Variants in CCPG1 observed in about 807,000 individuals in gnomAD.
The protein encoded by CCPG1 is cell cycle progression protein 1.
A neutral mutation model predicts 81.3 loss-of-function variants in CCPG1; 46 were observed. The observed-to-expected ratio is 0.57, with a 90% CI of 0.45 to 0.72. The LOEUF is 0.72. CCPG1 is among the 30% of genes least tolerant of loss of function. The pLI is 0.00. For synonymous variants in CCPG1, 330 were observed against 305.2 expected (o/e 1.08, Z -0.85); for missense variants, 902 against 937.6 (o/e 0.96, Z 0.50).
intron 3 of CCPG1, among the ~76,000 whole-genome samples, chr15:55,382,107 G>C (rs1037737559): frequency 1.3e-5 from 2 of 152,230 alleles, no homozygotes; most frequent in African/African-American, 4.8e-5. Context: ...TTACTTCAAA[G>C]ATGATGGCTG....
chr15:55,407,701 GATC>G (rs1480823848), intron 1 of CCPG1: 1 of 152,330 alleles, frequency 6.6e-6, no homozygotes, highest in East Asian at 1.9e-4. Context: ...AGAGGTATTT[GATC>G]ATCATCAGGC....
chr15:55,360,206 TCAGA>T lies in CCPG1; in HGVS notation c.1563_1566del (p.Asn521LysfsTer120). On this transcript the variant is annotated frameshift_variant, in exon 8 of 9. Transcript: ENST00000442196. LOFTEE classifies it high-confidence loss of function. Reference sequence around the variant, plus strand: ...GATTTAACTGAATCTGAGAATTTTTTCAGATTTTCCTTCACAGCTTCTTTAGCCT... The same window carrying T: ...GATTTAACTGAATCTGAGAATTTTTTTTTTCCTTCACAGCTTCTTTAGCCT... The T allele has an allele frequency of 6.2e-7, 1 of 1,613,582 alleles. No homozygotes were observed.
At chr15:55,391,415 CT>C (rs1361372569) in intron 1 of CCPG1, among the ~76,000 whole-genome samples, 3 of 152,198 alleles carry the variant, frequency 2.0e-5, no homozygotes, top group African/African-American at 7.2e-5. Context: ...TGCACCTGGC[CT>C]AAACTGACTA....
chr15:55,372,267 T>C (rs907134050), intron 5 of CCPG1: 3 of 572,952 alleles, frequency 5.2e-6, no homozygotes, highest in Admixed American at 3.1e-5. Flanking sequence ...CTGTTAATCA[T>C]ACTATTTGGT....
chr15:55,385,306 C>A (rs555891782), intron 3 of CCPG1, among the ~76,000 whole-genome samples: 2 of 152,328 alleles, frequency 1.3e-5, no homozygotes, highest in East Asian at 3.9e-4. Context: ...GCTGGGATTA[C>A]AGGCACCTGC....
At chr15:55,368,102 T>C (rs973197176) in intron 6 of CCPG1, among the ~76,000 whole-genome samples, 6 of 152,194 alleles carry the variant, frequency 3.9e-5, no homozygotes, top group Admixed American at 2.0e-4. Context: ...TCCAGGTATA[T>C]GGAGAGGTGA....
intron 1 of CCPG1, among the ~76,000 whole-genome samples, chr15:55,390,142 G>A (rs1004815520): frequency 4.6e-5 from 7 of 151,792 alleles, no homozygotes; most frequent in African/African-American, 1.5e-4. Context: ...CAGGCTGGTC[G>A]CGAACTCCTG....
chr15:55,399,417 C>CAAAAAAAAAAAA (rs56191750), intron 1 of CCPG1, among the ~76,000 whole-genome samples: 30 of 62,978 alleles, frequency 4.8e-4, no homozygotes, highest in Non-Finnish European at 6.3e-4. Flanking sequence ...ACTAAAAATA[C>CAAAAAAAAAAAA]AAAAAAAAAA....
In CCPG1 at chr15:55,356,163, CATT is replaced by C; in HGVS notation, c.*54_*56del. 5 of 1,299,266 alleles carry C rather than the reference CATT, an allele frequency of 3.8e-6. No homozygotes were observed. Among genetic ancestry groups the C allele is most frequent in the Non-Finnish European group, 5.2e-6 (5 of 955,894 alleles). The allele number at this position is 1,299,266 out of a possible 1,614,324, so 80.5% of individuals were successfully genotyped here. Reference sequence around the variant, plus strand: ...TAATTTCATTAGTTTCAATACCAAACATTATACAAAGCATAAATTTTTCTCTTA... The same window carrying C: ...TAATTTCATTAGTTTCAATACCAAACATACAAAGCATAAATTTTTCTCTTA... On this transcript the variant is annotated 3_prime_UTR_variant, in exon 9 of 9. Transcript: ENST00000442196.
At chr15:55,407,228 C>CA (rs33932364) in intron 1 of CCPG1, among the ~76,000 whole-genome samples, 13,286 of 144,898 alleles carry the variant, frequency 0.092, 728 homozygotes, top group Non-Finnish European at 0.13. Context: ...AACCCTCTCT[C>CA]AAAAAAAAAA....
intron 3 of CCPG1, among the ~76,000 whole-genome samples, chr15:55,378,614 T>C (rs1330777666): frequency 6.6e-6 from 1 of 152,006 alleles, no homozygotes; most frequent in East Asian, 1.9e-4. Context: ...AGATTTTTTT[T>C]TTTTTTGGAG....
At chr15:55,395,270 T>C (rs926732090) in intron 1 of CCPG1, among the ~76,000 whole-genome samples, 1 of 150,770 alleles carries the variant, frequency 6.6e-6, no homozygotes, top group African/African-American at 2.5e-5. Context: ...GTTCTCAAAA[T>C]GTTGGGCGTG....
intron 1 of CCPG1, among the ~76,000 whole-genome samples, chr15:55,397,588 G>A (rs2057045651): frequency 6.6e-6 from 1 of 152,170 alleles, no homozygotes; most frequent in African/African-American, 2.4e-5. Context: ...TATTGAATAT[G>A]GGGTATAAAG....
intron 1 of CCPG1, among the ~76,000 whole-genome samples, chr15:55,406,907 C>T (rs559047777): frequency 6.6e-6 from 1 of 152,124 alleles, no homozygotes; most frequent in South Asian, 2.1e-4. Flanking sequence ...CCGCCCTCAG[C>T]GTAAAAGGTT....
At chr15:55,365,420 T>TTTTTTTTTTTTTG in intron 6 of CCPG1, 111 bp from the exon 7 acceptor site, 5 of 222,582 alleles carry the variant, frequency 2.2e-5, no homozygotes, top group Admixed American at 7.9e-5. Flanking sequence ...CTTTTTTTTG[T>TTTTTTTTTTTTTG]TTTTTTTTTT....
Position 55,386,669 on chromosome 15 carries a change from C to T in CCPG1, c.61-955G>A, listed in dbSNP as rs141663579. Among the ~76,000 whole-genome samples the T allele has an allele frequency of 3.9e-3, 589 of 151,922 alleles. 7 individuals carry two copies. The East Asian group carries it at 0.043, about 11-fold the overall frequency. ...CAGCACCTTGGGAGCCTGAGGCGGG[C>T]GGATCACGAGGTCAGGAGATCGAGA... On this transcript the variant is annotated intron_variant, in intron 2 of 8. Transcript: ENST00000442196.
At chr15:55,373,102 T>C in intron 5 of CCPG1, 1 of 476,066 alleles carries the variant, frequency 2.1e-6, no homozygotes, top group South Asian at 1.6e-5. Context: ...AACAAACTAG[T>C]GGGGAAAATT....
chr15:55,397,559 C>G (rs1469178685), intron 1 of CCPG1, among the ~76,000 whole-genome samples: 1 of 152,090 alleles, frequency 6.6e-6, no homozygotes, highest in African/African-American at 2.4e-5. Context: ...GGTACAGCAG[C>G]CAACAGGACT....
At chr15:55,401,180 A>G (rs1479630032) in intron 1 of CCPG1, among the ~76,000 whole-genome samples, 1 of 152,118 alleles carries the variant, frequency 6.6e-6, no homozygotes, top group Non-Finnish European at 1.5e-5. Context: ...TGAATATTCC[A>G]CACTTTTTCT....
Sources: allele counts gnomAD v4.1 joint callset (sites outside exome capture counted in the v4.1 genomes callset), GRCh38; gene constraint gnomAD v4.1.1; transcripts MANE v1.5; gene names NCBI Gene and HGNC (gene_info 2026-07-23, HGNC 2026-07-21).